The following TNNI1 variants were observed in gnomAD, a reference collection of about 807,000 sequenced individuals.
TNNI1 encodes the protein troponin I, slow skeletal muscle.
A neutral mutation model predicts 26.7 loss-of-function variants in TNNI1; 14 were observed. That is an observed-to-expected ratio of 0.52 (90% CI 0.35 to 0.82). The LOEUF (loss-of-function observed/expected upper bound fraction) is 0.82. Among genes scored for constraint, TNNI1 ranks in the 40% least tolerant of loss-of-function variants. The pLI, the probability that TNNI1 is intolerant of heterozygous loss-of-function variation, is 0.01. For synonymous variants in TNNI1, 79 were observed against 98.2 expected (o/e 0.80, Z 1.16); for missense variants, 164 against 257.0 (o/e 0.64, Z 2.47).
At position 201,411,681 on chromosome 1, in the gene TNNI1, T is replaced by A. The variant is rs1477059691; in HGVS notation, c.280-148A>T. On this transcript the variant is annotated intron_variant, in intron 6 of 8. Transcript: ENST00000361379. This position sits in a 1 kb window ranked among gnomAD's most constrained non-coding sequence, Gnocchi z 4.6. ...CCAGACCTATCAGCAGTCACCAACC[T>A]TTTTGTCACCAGGGACCGGTTTTGT... The A allele has an allele frequency of 1.5e-5, 12 of 812,324 alleles. No individual in the cohort carries two copies. Among genetic ancestry groups the A allele is most frequent in the Non-Finnish European group, 2.0e-5 (11 of 559,626 alleles). 50.3% of individuals were successfully genotyped at this position (812,324 alleles called of 1,614,324 possible).
At chr1:201,417,054 C>T (rs1369817754) in intron 3 of TNNI1, 62 bp downstream of exon 3, 3 of 1,610,084 alleles carry the variant, frequency 1.9e-6, no homozygotes, top group Admixed American at 3.3e-5. Context: ...GCCAACCCCA[C>T]CTTCCCACTT....
chr1:201,417,211 A>C, intron 2 of TNNI1, 92 bp from the exon 3 acceptor site: 215 of 1,559,476 alleles, frequency 1.4e-4, no homozygotes, highest in Middle Eastern at 3.4e-4. Context: ...GCAGAACCTC[A>C]CAGACCAGCT....
chr1:201,410,313 G>T lies in TNNI1; in HGVS notation c.*2+13C>A. On this transcript the variant is annotated intron_variant, in intron 8 of 8. Coordinates refer to ENST00000361379, the MANE Select transcript of TNNI1 (RefSeq NM_003281.4). ...CTGATGGACCCCAGAGAAGGGAGCT[G>T]GTCTCTAGGTACCTCTATTGTGAGG... The T allele has an allele frequency of 1.2e-6, 2 of 1,609,046 alleles. No individual in the cohort carries two copies. Among genetic ancestry groups the T allele is most frequent in the Non-Finnish European group, 1.7e-6 (2 of 1,175,446 alleles).
In TNNI1 at chr1:201,417,832, C is replaced by T. The variant is rs746998050; in HGVS notation, c.-19-20G>A. The T allele has an allele frequency of 2.3e-6, 3 of 1,312,372 alleles. No individual in the cohort carries two copies. The highest frequency in any genetic ancestry group is 3.1e-5 in the Admixed American group (1 of 32,702). The allele number at this position is 1,312,372 out of a possible 1,614,324, so 81.3% of individuals were successfully genotyped here. A position where few individuals can be genotyped will look rare whatever the true frequency, so the allele number is the denominator to read the frequency against. ...CAGCACCTAGGGGGCACAGAGGAATCATTCATAAGGGAAAGTGGAAACCCC... is the reference window on the plus strand; with the variant it reads ...CAGCACCTAGGGGGCACAGAGGAATTATTCATAAGGGAAAGTGGAAACCCC... On this transcript the variant is annotated intron_variant, in intron 1 of 8. Transcript: ENST00000361379.
intron 4 of TNNI1, 59 bp downstream of exon 4, chr1:201,415,154 G>T: frequency 6.9e-7 from 1 of 1,450,482 alleles, no homozygotes; most frequent in Non-Finnish European, 9.7e-7. Context: ...TTCAGAGTCT[G>T]CTCTGCTGCC....
In TNNI1 at chr1:201,411,290, G is replaced by A. The variant is rs1013359883; in HGVS notation, c.456+67C>T. 18 of 1,573,996 alleles carry A rather than the reference G, an allele frequency of 1.1e-5. No individual in the cohort carries two copies. Among genetic ancestry groups the A allele is most frequent in the Non-Finnish European group, 1.5e-5 (17 of 1,152,628 alleles). On this transcript the variant is annotated intron_variant, in intron 7 of 8. Transcript: ENST00000361379. The surrounding 1 kb of genome is among the most constrained non-coding windows in gnomAD (Gnocchi z 4.6). ...AGCTCCTGGGCCAGCCTGAGGCCAT[G>A]TGAGGGGTTGACAAGGGGAAAGCTG... is the stretch of plus-strand genomic sequence containing the variant.
At chr1:201,417,990 C>T (rs1662782321) in intron 1 of TNNI1, among the ~76,000 whole-genome samples, 178 bp from the exon 2 acceptor site, 1 of 151,342 alleles carries the variant, frequency 6.6e-6, no homozygotes, top group South Asian at 2.1e-4. Context: ...CAGCTAACTA[C>T]AGCCCATAAG....
At chr1:201,420,168 G>T (rs1016451942) in intron 1 of TNNI1, among the ~76,000 whole-genome samples, 5 of 152,214 alleles carry the variant, frequency 3.3e-5, no homozygotes, top group Non-Finnish European at 7.4e-5. Flanking sequence ...ACCTTCCAAG[G>T]CCGGTTTACA....
chr1:201,417,870 G>T (rs112071533), intron 1 of TNNI1, 58 bp from the exon 2 acceptor site: 2 of 1,270,634 alleles, frequency 1.6e-6, no homozygotes, highest in Non-Finnish European at 2.0e-6. Flanking sequence ...CCCCTGCCCA[G>T]CTGGGCCTTG....
Position 201,417,136 on chromosome 1 carries a change from C to T in TNNI1, c.12-17G>A, listed in dbSNP as rs764858155. ...CTTACCTCGCTTCAGGCATCCATCA[C>T]AGGAAGGACGGGGAAAGAGCAGAAC... On this transcript the variant is annotated splice_polypyrimidine_tract_variant and intron_variant, in intron 2 of 8. Transcript: ENST00000361379. 3 of 1,614,054 alleles carry T rather than the reference C, an allele frequency of 1.9e-6. No homozygotes were observed. Among genetic ancestry groups the T allele is most frequent in the Admixed American group, 3.3e-5 (2 of 59,976 alleles).
At chr1:201,414,207 T>C (rs75863179) in intron 5 of TNNI1, among the ~76,000 whole-genome samples, 3,107 of 152,254 alleles carry the variant, frequency 0.02, 89 homozygotes, top group African/African-American at 0.07. Context: ...CTTGGAAAAG[T>C]GGGGCTTCTC....
rs956466735 is a variant in TNNI1 at position 201,411,873 on chromosome 1, C to T, written c.280-340G>A. ...CACTCCTGTGAGAATCTAATGCCGC[C>T]GCTGATCTGACAGGAGGCAGAGCTC... On this transcript the variant is annotated intron_variant, in intron 6 of 8. Transcript: ENST00000361379. The surrounding 1 kb of genome is among the most constrained non-coding windows in gnomAD (Gnocchi z 4.6). 1.3e-5 allele frequency among the ~76,000 whole-genome samples: 2 copies of T among 152,278 alleles called. No homozygotes were observed. Among genetic ancestry groups the T allele is most frequent in the Middle Eastern group, 3.4e-3 (1 of 294 alleles).
intron 1 of TNNI1, among the ~76,000 whole-genome samples, chr1:201,419,171 G>T (rs1049945695): frequency 6.6e-6 from 1 of 152,236 alleles, no homozygotes; most frequent in African/African-American, 2.4e-5. Flanking sequence ...CTGGTTGAAG[G>T]GGGCTCCCAT....
rs201145849 is a variant in TNNI1, at chr1:201,414,580, G to A, written c.127C>T (p.Arg43Cys). The A allele has an allele frequency of 2.0e-5, 32 of 1,613,748 alleles. No homozygotes were observed. Among genetic ancestry groups the A allele is most frequent in the South Asian group, 9.9e-5 (9 of 91,040 alleles). ...EHEEREAEKV[R>C]YLAERIPTLQ... Reference sequence around the variant, plus strand: ...GTGGGGATGCGCTCTGCCAGGTAGCGCACCTTCTCAGCCTCGCGCTCCTCG... The same window carrying A: ...GTGGGGATGCGCTCTGCCAGGTAGCACACCTTCTCAGCCTCGCGCTCCTCG... The change falls in exon 5 of 9, where the codon CGC becomes TGC. Residue 43 changes from arginine (R) to cysteine (C), a missense_variant. By Grantham distance (180) the Arg-to-Cys change is radical (BLOSUM62 -3). Coordinates refer to ENST00000361379, the MANE Select transcript of TNNI1 (RefSeq NM_003281.4).
chr1:201,416,728 C>A (rs755004930), intron 3 of TNNI1, among the ~76,000 whole-genome samples: 27 of 152,228 alleles, frequency 1.8e-4, no homozygotes, highest in Non-Finnish European at 3.2e-4. Flanking sequence ...TATCCCTTAC[C>A]CTTCCAATAT....
intron 2 of TNNI1, 69 bp downstream of exon 2, chr1:201,417,714 T>C (rs564403273): frequency 1.6e-6 from 2 of 1,284,954 alleles, no homozygotes; most frequent in Admixed American, 3.1e-5. Context: ...GTGCCTCCAC[T>C]GCGGGGCTGA....
intron 3 of TNNI1, among the ~76,000 whole-genome samples, chr1:201,415,922 G>A (rs1473970131): frequency 1.3e-5 from 2 of 152,122 alleles, no homozygotes; most frequent in Non-Finnish European, 2.9e-5. Flanking sequence ...GTGAGTAGTA[G>A]GGCTGCTTGG....
chr1:201,421,559 AG>A (rs1483784866), intron 1 of TNNI1, 113 bp downstream of exon 1: 1 of 152,206 alleles, frequency 6.6e-6, no homozygotes, highest in Non-Finnish European at 1.5e-5. Flanking sequence ...CCAACTGCAC[AG>A]GCAAGAAATG....
rs1412058623 is a variant in TNNI1, at chr1:201,415,256, T to C, written c.16-2A>G. On this transcript the variant is annotated splice_acceptor_variant, in intron 3 of 8. Coordinates refer to ENST00000361379, the MANE Select transcript of TNNI1 (RefSeq NM_003281.4). LOFTEE classifies it high-confidence loss of function. ...GGAGGCAGTGATCTTGGGTTTTCTC[T>C]GTGGGCAAGAAGAGAGAGAGACAGG... 13 of 1,614,114 alleles carry C rather than the reference T, an allele frequency of 8.1e-6. No homozygotes were observed. The highest frequency in any genetic ancestry group is 1.1e-5 in the Non-Finnish European group (13 of 1,179,996).
Sources: gnomAD v4.1 joint callset for allele counts (sites outside exome capture counted in the v4.1 genomes callset) on GRCh38, gnomAD v4.1.1 for gene constraint, Gnocchi (gnomAD v3.1) non-coding constraint, MANE v1.5 for transcripts, NCBI Gene and HGNC (gene_info 2026-07-23, HGNC 2026-07-21) for gene names.